The following ASH1L variants were observed in gnomAD, a reference collection of about 807,000 sequenced individuals.
ASH1L encodes histone-lysine N-methyltransferase ASH1L.
ASH1L carries 23 observed loss-of-function variants against 269.0 expected under a neutral mutation model. That is an observed-to-expected ratio of 0.09 (90% confidence interval 0.06 to 0.12). ASH1L has a LOEUF of 0.12. ASH1L is among the 10% of genes least tolerant of loss of function. The probability of loss-of-function intolerance (pLI) is 1.00; values close to 1 mark genes in which losing one functional copy is unlikely to be tolerated. For synonymous variants in ASH1L, 1,187 were observed against 1,253.5 expected (o/e 0.95, Z 1.12); for missense variants, 2,912 against 3,567.8 (o/e 0.82, Z 4.68).
At chr1:155,376,862 G>GA (rs561497651) in intron 10 of ASH1L, among the ~76,000 whole-genome samples, 132 of 132,318 alleles carry the variant, frequency 1.0e-3, no homozygotes, top group South Asian at 5.9e-3. Context: ...CTCAGAAAAA[G>GA]AAAAAAAAAA....
chr1:155,433,146 A>C lies in ASH1L; in HGVS notation c.5828+5181T>G, dbSNP rs1173963747. On this transcript the variant is annotated intron_variant, in intron 5 of 27. Coordinates refer to ENST00000392403, the MANE Select transcript of ASH1L (RefSeq NM_018489.3). ...GGAATATAAAAATATTTGACATTTC[A>C]CCAGGCCCCCAGCTTGGGGCGCCTT... The C allele has an allele frequency of 8.8e-6, 13 of 1,474,300 alleles. No individual in the cohort carries two copies. The Admixed American group carries it at 1.2e-4, about 14-fold the overall frequency. The allele number at this position is 1,474,300 out of a possible 1,614,324, so 91.3% of individuals were successfully genotyped here.
rs773726574 is a variant in ASH1L, at chr1:155,478,459, G to A, written c.4411C>T (p.Pro1471Ser). Reference sequence around the variant, plus strand: ...ACCATCCAACCATAGGCCATCTCAGGAGGAACACTGGGGTAGGTACTCATG... The same window carrying A: ...ACCATCCAACCATAGGCCATCTCAGAAGGAACACTGGGGTAGGTACTCATG... ...LSMSTYPSVP[P>S]EMAYGWMVEH... The change falls in exon 3 of 28, where the codon CCT becomes TCT. Residue 1471 changes from proline (P) to serine (S), a missense_variant. Physicochemically the swap from Pro to Ser is moderately conservative, Grantham distance 74. This residue lies in a region of ASH1L where 789 missense variants were observed against 897.6 expected (regional missense o/e 0.88). Transcript: ENST00000392403. This position sits in a 1 kb window ranked among gnomAD's most constrained non-coding sequence, Gnocchi z 4.6. The A allele has an allele frequency of 6.2e-7, 1 of 1,614,142 alleles. No homozygotes were observed. The highest frequency in any genetic ancestry group is 8.5e-7 in the Non-Finnish European group (1 of 1,180,022).
chr1:155,345,885 G>A, intron 21 of ASH1L: 2 of 272,982 alleles, frequency 7.3e-6, no homozygotes, highest in Non-Finnish European at 1.4e-5. Flanking sequence ...AGGCTGGAGT[G>A]CACTGGCATG....
intron 3 of ASH1L, among the ~76,000 whole-genome samples, chr1:155,476,851 C>T (rs1002882589): frequency 3.3e-5 from 5 of 151,996 alleles, no homozygotes; most frequent in Admixed American, 3.3e-4. Flanking sequence ...CTGCGCCTGG[C>T]CTAATGCACA....
intron 12 of ASH1L, 130 bp downstream of exon 12, chr1:155,370,374 G>C (rs1655834260): frequency 3.5e-6 from 4 of 1,129,206 alleles, no homozygotes; most frequent in African/African-American, 1.5e-5. Flanking sequence ...TCTGCCCGTG[G>C]GATCTGGGGT....
At chr1:155,373,254 A>G (rs905313332) in intron 10 of ASH1L, among the ~76,000 whole-genome samples, 2 of 151,794 alleles carry the variant, frequency 1.3e-5, no homozygotes, top group African/African-American at 4.8e-5. Flanking sequence ...TGAACATAGA[A>G]GACAAAAGAA....
chr1:155,514,853 T>A (rs993461157), intron 2 of ASH1L, among the ~76,000 whole-genome samples: 2 of 151,726 alleles, frequency 1.3e-5, no homozygotes, highest in Admixed American at 6.6e-5. Context: ...GCCGAGGAAC[T>A]CGGCAACTTC....
chr1:155,479,533 C>A lies in ASH1L; in HGVS notation c.3337G>T (p.Gly1113Trp). The A allele has an allele frequency of 6.2e-7, 1 of 1,614,152 alleles. No homozygotes were observed. The highest frequency in any genetic ancestry group is 8.5e-7 in the Non-Finnish European group (1 of 1,180,026). ...ACAGGGCTCTGACCTCCACTAGTCC[C>A]AGAAGACTGAGAGCAAATAGGTGAT... Reference protein sequence around the residue: ...LPSPICSQSSGTSGGQSPVSS... With the variant: ...LPSPICSQSSWTSGGQSPVSS... Residue 1113 changes from glycine (G) to tryptophan (W), a missense_variant, in exon 3 of 28, where the codon GGG becomes TGG. Coordinates refer to ENST00000392403, the MANE Select transcript of ASH1L (RefSeq NM_018489.3).
At chr1:155,358,134 G>C (rs1654579771) in intron 13 of ASH1L, among the ~76,000 whole-genome samples, 2 of 151,850 alleles carry the variant, frequency 1.3e-5, no homozygotes, top group African/African-American at 4.8e-5. Flanking sequence ...CTGAGCATTT[G>C]GACACACATT....
At chr1:155,421,959 C>T (rs1167971922) in intron 5 of ASH1L, among the ~76,000 whole-genome samples, 1 of 152,098 alleles carries the variant, frequency 6.6e-6, no homozygotes, top group Non-Finnish European at 1.5e-5. Context: ...CATCCATCTC[C>T]ACATCTTTTT....
intron 5 of ASH1L, among the ~76,000 whole-genome samples, chr1:155,423,318 C>A (rs1030855454): frequency 6.6e-6 from 1 of 151,632 alleles, no homozygotes; most frequent in Non-Finnish European, 1.5e-5. Context: ...TGGTGGCTCA[C>A]ACCTGTAATC....
intron 15 of ASH1L, among the ~76,000 whole-genome samples, 167 bp from the exon 16 acceptor site, chr1:155,354,797 A>G (rs545409433): frequency 5.3e-5 from 8 of 152,220 alleles, no homozygotes; most frequent in African/African-American, 1.9e-4. Flanking sequence ...ATTTTTTTAC[A>G]TTACATAAAA....
At chr1:155,465,555 T>C (rs558900778) in intron 3 of ASH1L, among the ~76,000 whole-genome samples, 21 of 152,330 alleles carry the variant, frequency 1.4e-4, no homozygotes, top group Admixed American at 2.6e-4. Flanking sequence ...AAGAATGCTA[T>C]GCAGTAGTCA....
intron 2 of ASH1L, among the ~76,000 whole-genome samples, chr1:155,498,031 C>T (rs1346925002): frequency 3.9e-5 from 6 of 152,230 alleles, no homozygotes; most frequent in East Asian, 1.9e-4. Context: ...GGGTTACAGG[C>T]GTGAGCCACC....
At chr1:155,393,019 A>G (rs1215221773) in intron 7 of ASH1L, among the ~76,000 whole-genome samples, 4 of 152,114 alleles carry the variant, frequency 2.6e-5, no homozygotes, top group Admixed American at 6.6e-5. Context: ...ATTTATCATT[A>G]GCAGATTTTA....
rs149879081 is a variant in ASH1L, at chr1:155,481,328, A to G, written c.1542T>C (p.Tyr514=). 35 of 1,614,140 alleles carry G rather than the reference A, an allele frequency of 2.2e-5. No individual in the cohort carries two copies. In the African/African-American group the frequency reaches 4.0e-4, roughly 18 times the overall value. ...GCTGCTTTTCATGCTTTGAGGTTTC[A>G]TAAGATCCCTTTTCACTGGATGAGA... ...DSFSSSEKGS[Y]ETSKHEKQPP... is the part of the protein sequence containing the mutation. The change falls in exon 3 of 28, where the codon TAT becomes TAC. Residue 514 remains tyrosine, a synonymous_variant. Transcript: ENST00000392403.
rs774286049 is a variant in ASH1L, at chr1:155,479,014, C to T, written c.3856G>A (p.Asp1286Asn). The T allele has an allele frequency of 2.2e-5, 35 of 1,613,798 alleles. No homozygotes were observed. The highest frequency in any genetic ancestry group is 1.6e-4 in the Middle Eastern group (1 of 6,062). The change falls in exon 3 of 28, where the codon GAC becomes AAC. Residue 1286 changes from aspartate to asparagine, a missense_variant. Coordinates refer to ENST00000392403, the MANE Select transcript of ASH1L (RefSeq NM_018489.3). The stretch of plus-strand genomic sequence containing the variant: ...AGTTCCTCCAGCTCTGCAATAAAGT[C>T]TGGATCCTGTCTATTTCGAAGCTGG... ...YPQLRNRQDP[D>N]FIAELEELIS...
At chr1:155,363,674 T>C (rs1655159477) in intron 12 of ASH1L, among the ~76,000 whole-genome samples, 1 of 152,088 alleles carries the variant, frequency 6.6e-6, no homozygotes. Flanking sequence ...TTTTCTTTTT[T>C]TTTGAGACAG....
intron 1 of ASH1L, among the ~76,000 whole-genome samples, chr1:155,529,147 T>G (rs543024241): frequency 6.6e-6 from 1 of 152,316 alleles, no homozygotes; most frequent in African/African-American, 2.4e-5. Flanking sequence ...TTGTGAATAG[T>G]GCTGCAATGA....
Sources: gnomAD v4.1 joint callset for allele counts (sites outside exome capture counted in the v4.1 genomes callset) on GRCh38, gnomAD v4.1.1 for gene constraint, gnomAD v4.1.1 regional missense constraint, Gnocchi (gnomAD v3.1) non-coding constraint, MANE v1.5 for transcripts, NCBI Gene and HGNC (gene_info 2026-07-23, HGNC 2026-07-21) for gene names.